The following TNRC6B variants were observed in gnomAD, a reference collection of about 807,000 sequenced individuals.
TNRC6B encodes the protein trinucleotide repeat-containing gene 6B protein.
In TNRC6B, 52 loss-of-function variants were observed where a neutral mutation model predicts 203.6. That is an observed-to-expected ratio of 0.26 (90% CI 0.20 to 0.32). The LOEUF (loss-of-function observed/expected upper bound fraction) is 0.32, where lower values mean the gene tolerates loss of function less well. TNRC6B is among the 10% of genes least tolerant of loss of function. The probability of loss-of-function intolerance (pLI) is 1.00; values close to 1 mark genes in which losing one functional copy is unlikely to be tolerated. For missense variants in TNRC6B, 1,923 were observed against 2,286.2 expected (o/e 0.84, Z 3.24); for synonymous variants, 838 against 845.7 (o/e 0.99, Z 0.16).
intron 1 of TNRC6B, among the ~76,000 whole-genome samples, chr22:40,228,098 G>A (rs972347076): frequency 6.6e-6 from 1 of 152,170 alleles, no homozygotes; most frequent in Non-Finnish European, 1.5e-5. Flanking sequence ...CCCTTAAGGT[G>A]TAAACATAGT....
intron 22 of TNRC6B, among the ~76,000 whole-genome samples, chr22:40,322,354 C>T (rs1381346575): frequency 1.3e-5 from 2 of 152,128 alleles, no homozygotes; most frequent in Non-Finnish European, 2.9e-5. Context: ...ATTGCTGAAC[C>T]CCTCCTTATC....
At chr22:40,259,731 G>A (rs1431306440) in intron 3 of TNRC6B, among the ~76,000 whole-genome samples, 1 of 152,140 alleles carries the variant, frequency 6.6e-6, no homozygotes, top group Non-Finnish European at 1.5e-5. Flanking sequence ...GGCATAGATT[G>A]GGCCGCCTGA....
chr22:40,089,490 C>T (rs987138746), intron 1 of TNRC6B, among the ~76,000 whole-genome samples: 9 of 152,110 alleles, frequency 5.9e-5, no homozygotes, highest in African/African-American at 2.2e-4. Flanking sequence ...GCCTCAGCCT[C>T]CTAAATTGCT....
intron 19 of TNRC6B, among the ~76,000 whole-genome samples, chr22:40,314,864 G>A (rs2071235948): frequency 1.3e-5 from 2 of 152,194 alleles, no homozygotes; most frequent in Non-Finnish European, 2.9e-5. Context: ...CAAGAAAAGT[G>A]TAATTTACTA....
Position 40,270,194 on chromosome 22 carries a change from C to G in TNRC6B, c.2879C>G (p.Pro960Arg), listed in dbSNP as rs1435627000. The G allele has an allele frequency of 6.4e-7, 1 of 1,567,782 alleles. No individual in the cohort carries two copies. Among genetic ancestry groups the G allele is most frequent in the Non-Finnish European group, 8.7e-7 (1 of 1,155,790 alleles). ...SAWGEPNESSPGWGEMDDTGA... is the reference protein window; with the variant it reads ...SAWGEPNESSRGWGEMDDTGA... ...TGGGGTGAGCCAAATGAAAGCAGTC[C>G]TGGGTGGGGCGAGATGGATGATACA... Residue 960 changes from proline (P) to arginine (R), a missense_variant, in exon 6 of 23, where the codon CCT becomes CGT. Physicochemically the swap from Pro to Arg is moderately radical, Grantham distance 103. Coordinates refer to ENST00000454349, the MANE Select transcript of TNRC6B (RefSeq NM_001162501.2).
chr22:40,247,303 A>G (rs2070122345), intron 2 of TNRC6B, among the ~76,000 whole-genome samples: 2 of 152,198 alleles, frequency 1.3e-5, no homozygotes, highest in Non-Finnish European at 2.9e-5. Flanking sequence ...AAGTTTAGGG[A>G]GAAAGAAACT....
chr22:40,176,823 C>G (rs907753907), upstream of TNRC6B, among the ~76,000 whole-genome samples: 8 of 152,146 alleles, frequency 5.3e-5, no homozygotes, highest in African/African-American at 1.9e-4. Flanking sequence ...GGTCAAGAAG[C>G]CTTCCCAGGG....
At position 40,113,563 on chromosome 22, in the gene TNRC6B, C is replaced by T. The variant is rs1298428332; in HGVS notation, c.-120-3492C>T. On this transcript the variant is annotated intron_variant, in intron 1 of 23. Coordinates refer to the TNRC6B transcript ENST00000301923. Reference sequence around the variant, plus strand: ...GTAGAGATGGGGTTTCACCAGGTTGCCCAGGCTAGTCTTGAACTCGTGAGC... The same window carrying T: ...GTAGAGATGGGGTTTCACCAGGTTGTCCAGGCTAGTCTTGAACTCGTGAGC... Among the ~76,000 whole-genome samples the T allele has an allele frequency of 2.0e-5, 3 of 152,182 alleles. 1 individual carries two copies. The highest frequency in any genetic ancestry group is 7.2e-5 in the African/African-American group (3 of 41,440).
At chr22:40,271,720 C>G (rs1056983769) in intron 6 of TNRC6B, among the ~76,000 whole-genome samples, 1 of 152,190 alleles carries the variant, frequency 6.6e-6, no homozygotes, top group Non-Finnish European at 1.5e-5. Context: ...GATCACCTCT[C>G]TTCTATCACA....
At chr22:40,064,418 T>C (rs1462597291) in intron 1 of TNRC6B, among the ~76,000 whole-genome samples, 4 of 152,054 alleles carry the variant, frequency 2.6e-5, no homozygotes, top group Admixed American at 2.0e-4. Context: ...GGAAGTTCCT[T>C]TTTACTCCTA....
chr22:40,271,790 TA>T (rs1368463784), intron 6 of TNRC6B, among the ~76,000 whole-genome samples: 1 of 152,234 alleles, frequency 6.6e-6, no homozygotes. Flanking sequence ...TCTGTAGTTA[TA>T]GCACACATCC....
At chr22:40,179,607 C>T (rs2069107746) in intron 1 of TNRC6B, among the ~76,000 whole-genome samples, 1 of 152,172 alleles carries the variant, frequency 6.6e-6, no homozygotes, top group African/African-American at 2.4e-5. Context: ...TAATTTTGAT[C>T]AGAAGGGAGC....
intron 3 of TNRC6B, among the ~76,000 whole-genome samples, chr22:40,146,484 C>T (rs2068696509): frequency 6.6e-6 from 1 of 151,956 alleles, no homozygotes. Flanking sequence ...CAACCTCTGC[C>T]TCCTGAATTC....
intron 3 of TNRC6B, among the ~76,000 whole-genome samples, chr22:40,137,982 CAAAAAAAA>C (rs10578847): frequency 3.6e-5 from 4 of 109,888 alleles, no homozygotes; most frequent in Admixed American, 2.6e-4. Flanking sequence ...GACTGTATCT[CAAAAAAAA>C]AAAAAAAAAG....
intron 6 of TNRC6B, among the ~76,000 whole-genome samples, chr22:40,271,775 G>A (rs1033871096): frequency 2.6e-5 from 4 of 152,058 alleles, no homozygotes; most frequent in African/African-American, 9.7e-5. Flanking sequence ...TACTCTTCAG[G>A]ATCATCTGTA....
At chr22:40,199,973 A>G (rs186381830) in intron 1 of TNRC6B, among the ~76,000 whole-genome samples, 15 of 152,014 alleles carry the variant, frequency 9.9e-5, no homozygotes, top group East Asian at 7.7e-4. Context: ...TAATTTTTGT[A>G]TTTTTAATAG....
intron 1 of TNRC6B, among the ~76,000 whole-genome samples, chr22:40,196,391 A>G (rs1400457560): frequency 6.6e-6 from 1 of 152,066 alleles, no homozygotes; most frequent in Non-Finnish European, 1.5e-5. Flanking sequence ...AAATCCTAAT[A>G]GTTACTGGTA....
chr22:40,123,364 A>G (rs2068461438), intron 2 of TNRC6B, among the ~76,000 whole-genome samples: 1 of 152,224 alleles, frequency 6.6e-6, no homozygotes, highest in African/African-American at 2.4e-5. Context: ...GAGACTTAAG[A>G]AAAATAGAAC....
intron 7 of TNRC6B, among the ~76,000 whole-genome samples, chr22:40,274,747 A>G (rs1242343857): frequency 6.6e-6 from 1 of 152,110 alleles, no homozygotes; most frequent in Non-Finnish European, 1.5e-5. Flanking sequence ...TCTCTACATC[A>G]TGTACCAGGT....
Sources: gnomAD v4.1 joint callset for allele counts (sites outside exome capture counted in the v4.1 genomes callset) on GRCh38, gnomAD v4.1.1 for gene constraint, MANE v1.5 for transcripts, NCBI Gene and HGNC (gene_info 2026-07-23, HGNC 2026-07-21) for gene names.